The following CSPP1 variants were observed in gnomAD, a reference collection of about 807,000 sequenced individuals.
CSPP1 encodes the protein centrosome and spindle pole associated protein 1, also known as centrosome and spindle pole-associated protein 1.
In CSPP1, 126 loss-of-function variants were observed where a neutral mutation model predicts 164.4. The ratio of observed to expected loss-of-function variants is 0.77; its 90% CI spans 0.66 to 0.89. The LOEUF is 0.89. Among genes scored for constraint, CSPP1 ranks in the 40% least tolerant of loss-of-function variants. The pLI, the probability that CSPP1 is intolerant of heterozygous loss-of-function variation, is 0.00. For synonymous variants in CSPP1, 472 were observed against 476.7 expected, an observed-to-expected ratio of 0.99 and a Z score of 0.13; for missense variants, 1,395 against 1,449.8, an observed-to-expected ratio of 0.96 and a Z score of 0.61.
At chr8:67,193,226 T>G (rs1369066258) in intron 29 of CSPP1, among the ~76,000 whole-genome samples, 1 of 152,084 alleles carries the variant, frequency 6.6e-6, no homozygotes, top group Non-Finnish European at 1.5e-5. Context: ...GCCACCCAAG[T>G]AGCCGGGGAC....
chr8:67,159,306 G>C (rs1827265377), intron 21 of CSPP1, among the ~76,000 whole-genome samples, 169 bp downstream of exon 21: 1 of 152,012 alleles, frequency 6.6e-6, no homozygotes, highest in African/African-American at 2.4e-5. Flanking sequence ...AGGAGGTACT[G>C]TCACTGTGCT....
chr8:67,193,742 AC>A (rs1837081872), intron 30 of CSPP1, 140 bp downstream of exon 30: 8 of 609,366 alleles, frequency 1.3e-5, no homozygotes, highest in Non-Finnish European at 2.1e-5. Flanking sequence ...AGACATAGTA[AC>A]TATTGAGCAA....
intron 9 of CSPP1, among the ~76,000 whole-genome samples, chr8:67,109,795 A>C (rs1172312716): frequency 6.6e-6 from 1 of 152,128 alleles, no homozygotes; most frequent in Non-Finnish European, 1.5e-5. Flanking sequence ...GAAAGAAAAA[A>C]AGCTCTCTGC....
chr8:67,104,700 C>T (rs773200489), intron 8 of CSPP1, among the ~76,000 whole-genome samples: 5 of 151,466 alleles, frequency 3.3e-5, no homozygotes, highest in East Asian at 1.9e-4. Flanking sequence ...TGCAGCGGCA[C>T]GATCTCAGCT....
At chr8:67,147,725 G>A (rs921745803) in intron 17 of CSPP1, among the ~76,000 whole-genome samples, 3 of 151,064 alleles carry the variant, frequency 2.0e-5, no homozygotes, top group Non-Finnish European at 4.4e-5. Flanking sequence ...ATATTTTTTG[G>A]ATGTGCATTA....
intron 7 of CSPP1, among the ~76,000 whole-genome samples, chr8:67,100,965 C>T (rs1813959568): frequency 6.6e-6 from 1 of 151,936 alleles, no homozygotes; most frequent in South Asian, 2.1e-4. Context: ...TAGTTGTAGT[C>T]ACAGTTATAA....
Position 67,182,316 on chromosome 8 carries a change from CCTT to C in CSPP1, c.3220+2391_3220+2393del, listed in dbSNP as rs376549505. 4.3e-3 allele frequency among the ~76,000 whole-genome samples: 621 copies of C among 145,252 alleles called. 1 individual carries two copies. Among genetic ancestry groups the C allele is most frequent in the South Asian group, 9.2e-3 (44 of 4,758 alleles). On this transcript the variant is annotated intron_variant, in intron 28 of 30. Transcript: ENST00000678616. ...AGCTACCACACCCAGCCAGATTTCC[CCTT>C]TTTTTTTTTATGCTGTGAATAATAT...
At chr8:67,168,283 C>G (rs529474110) in intron 24 of CSPP1, among the ~76,000 whole-genome samples, 2 of 112,448 alleles carry the variant, frequency 1.8e-5, no homozygotes, top group Non-Finnish European at 3.4e-5. Context: ...AGAGGGAGAC[C>G]GTGGAAAGAG....
intron 17 of CSPP1, among the ~76,000 whole-genome samples, chr8:67,148,336 C>T (rs1353588226): frequency 1.3e-5 from 2 of 152,212 alleles, no homozygotes; most frequent in East Asian, 1.9e-4. Context: ...GGTATCCATT[C>T]TATGGTTTCC....
At chr8:67,165,173 A>G (rs937134598) in intron 24 of CSPP1, among the ~76,000 whole-genome samples, 2 of 152,060 alleles carry the variant, frequency 1.3e-5, no homozygotes, top group African/African-American at 2.4e-5. Context: ...GGTCCCAGCT[A>G]CTCAGGAGGC....
intron 20 of CSPP1, 109 bp from the exon 21 acceptor site, chr8:67,158,882 C>G (rs1827174452): frequency 9.9e-7 from 1 of 1,007,482 alleles, no homozygotes; most frequent in East Asian, 2.4e-5. Flanking sequence ...AACACCATAT[C>G]ATGTCATCTA....
intron 28 of CSPP1, among the ~76,000 whole-genome samples, chr8:67,186,258 C>T (rs1288073471): frequency 6.6e-6 from 1 of 152,018 alleles, no homozygotes; most frequent in Admixed American, 6.6e-5. Context: ...AATGTGTTGT[C>T]CAAAATACCT....
intron 13 of CSPP1, 67 bp from the exon 14 acceptor site, chr8:67,118,181 A>G: frequency 6.5e-7 from 1 of 1,542,992 alleles, no homozygotes; most frequent in Non-Finnish European, 8.9e-7. Context: ...CAAAAGAGTA[A>G]CATCTTGATT....
intron 4 of CSPP1, among the ~76,000 whole-genome samples, chr8:67,089,207 G>A (rs902260224): frequency 2.0e-5 from 3 of 151,884 alleles, no homozygotes; most frequent in East Asian, 3.9e-4. Context: ...ATCTTTTTTC[G>A]TGTTTTAATT....
intron 17 of CSPP1, among the ~76,000 whole-genome samples, chr8:67,148,490 T>C: frequency 6.6e-6 from 1 of 152,238 alleles, no homozygotes. Flanking sequence ...GCTTTCCTAC[T>C]TATCTTCATC....
chr8:67,137,332 GGA>G, intron 16 of CSPP1, 122 bp from the exon 17 acceptor site: 1 of 663,392 alleles, frequency 1.5e-6, no homozygotes, highest in Non-Finnish European at 2.3e-6. Flanking sequence ...GGTACACTGG[GGA>G]AAAAAAAAAA....
chr8:67,104,588 C>G (rs1230363948), intron 8 of CSPP1, among the ~76,000 whole-genome samples: 1 of 150,936 alleles, frequency 6.6e-6, no homozygotes, highest in South Asian at 2.1e-4. Context: ...ATAGATCACT[C>G]TTTCTTTTCC....
intron 30 of CSPP1, among the ~76,000 whole-genome samples, chr8:67,194,878 G>GGAA (rs1486415682): frequency 1.3e-5 from 2 of 152,150 alleles, no homozygotes; most frequent in African/African-American, 4.8e-5. Flanking sequence ...TTTTAAGAAT[G>GGAA]GAAGTAATCT....
At chr8:67,151,802 T>C (rs1347103873) in intron 18 of CSPP1, among the ~76,000 whole-genome samples, 2 of 151,958 alleles carry the variant, frequency 1.3e-5, no homozygotes, top group African/African-American at 4.8e-5. Flanking sequence ...TAAGAATGAA[T>C]TAATTGGCTG....
Sources: allele counts gnomAD v4.1 joint callset (sites outside exome capture counted in the v4.1 genomes callset), GRCh38; gene constraint gnomAD v4.1.1; transcripts MANE v1.5; gene names NCBI Gene and HGNC (gene_info 2026-07-23, HGNC 2026-07-21).